Variants in PTPRD observed in about 807,000 individuals in gnomAD.
PTPRD encodes the protein protein tyrosine phosphatase receptor type D, also known as receptor-type tyrosine-protein phosphatase delta.
A neutral mutation model predicts 214.5 loss-of-function variants in PTPRD; 34 were observed. That is an observed-to-expected ratio of 0.16 (90% CI 0.12 to 0.21). PTPRD has a LOEUF of 0.21. PTPRD is among the 10% of genes least tolerant of loss of function. PTPRD has a pLI of 1.00. For synonymous variants in PTPRD, 1,128 were observed against 845.7 expected (o/e 1.33, Z -5.79); for missense variants, 2,545 against 2,398.7 (o/e 1.06, Z -1.27).
chr9:9,845,969 A>G (rs1178778263), intron 5 of PTPRD, among the ~76,000 whole-genome samples: 3 of 152,104 alleles, frequency 2.0e-5, no homozygotes, highest in Non-Finnish European at 4.4e-5. Flanking sequence ...GATGCTCTTC[A>G]TTACCAACAA....
chr9:9,843,666 A>C (rs1188971514), intron 5 of PTPRD, among the ~76,000 whole-genome samples: 1 of 152,020 alleles, frequency 6.6e-6, no homozygotes, highest in Non-Finnish European at 1.5e-5. Context: ...ATATTTCTCG[A>C]TCTTTGAAAA....
Position 10,326,461 on chromosome 9 carries a change from T to C in PTPRD, c.-545+14502A>G, listed in dbSNP as rs1050361250. 4.6e-5 allele frequency among the ~76,000 whole-genome samples: 7 copies of C among 151,880 alleles called. No homozygotes were observed. The Middle Eastern group carries it at 0.02, about 443-fold the overall frequency. ...AATAATAGAAATTAGTTAGATATTA[T>C]GAAATATGCTAATGAGCCAAAGCCA... On this transcript the variant is annotated intron_variant, in intron 3 of 45. Transcript: ENST00000381196.
At chr9:10,198,318 G>C (rs1593904783) in intron 3 of PTPRD, among the ~76,000 whole-genome samples, 1 of 152,112 alleles carries the variant, frequency 6.6e-6, no homozygotes, top group East Asian at 1.9e-4. Context: ...ACACTGACAG[G>C]TCAGAGTATA....
intron 10 of PTPRD, chr9:9,090,962 G>T (rs1411311326): frequency 1.3e-6 from 2 of 1,578,548 alleles, no homozygotes; most frequent in East Asian, 4.5e-5. Flanking sequence ...CAGCCTATTC[G>T]CTGCACTAAC....
chr9:9,950,197 C>G (rs183015591), intron 4 of PTPRD, among the ~76,000 whole-genome samples: 2 of 152,246 alleles, frequency 1.3e-5, no homozygotes, highest in African/African-American at 4.8e-5. Flanking sequence ...AATGATTTGT[C>G]TTAAACCTGT....
intron 3 of PTPRD, among the ~76,000 whole-genome samples, chr9:10,185,569 A>T (rs148032343): frequency 6.6e-6 from 1 of 152,286 alleles, no homozygotes; most frequent in East Asian, 1.9e-4. Context: ...CACCCCAGGG[A>T]GAATTGGTAA....
intron 2 of PTPRD, among the ~76,000 whole-genome samples, chr9:10,519,153 G>A (rs1466380918): frequency 2.1e-5 from 3 of 144,314 alleles, no homozygotes; most frequent in Non-Finnish European, 4.5e-5. Flanking sequence ...AGGACAAAAT[G>A]GCAATGTAAA....
chr9:9,898,056 T>A (rs2075468460), intron 5 of PTPRD, among the ~76,000 whole-genome samples: 1 of 152,116 alleles, frequency 6.6e-6, no homozygotes, highest in African/African-American at 2.4e-5. Context: ...ATCTAAATTA[T>A]GTAATAGTAA....
intron 7 of PTPRD, among the ~76,000 whole-genome samples, chr9:9,716,425 C>T (rs965423027): frequency 3.9e-5 from 6 of 151,914 alleles, no homozygotes; most frequent in African/African-American, 1.2e-4. Context: ...TGAGGAATCG[C>T]CACACTGACT....
At chr9:9,928,757 T>TACACACACACACACACAC (rs60820386) in intron 5 of PTPRD, among the ~76,000 whole-genome samples, 4,703 of 147,074 alleles carry the variant, frequency 0.032, 167 homozygotes, top group East Asian at 0.095. Context: ...TCTCTCTCTA[T>TACACACACACACACACAC]ACACACACAC....
intron 3 of PTPRD, among the ~76,000 whole-genome samples, chr9:10,082,580 G>T (rs956287572): frequency 2.0e-5 from 3 of 151,972 alleles, no homozygotes; most frequent in Admixed American, 1.3e-4. Context: ...GTGAAGTTAT[G>T]TAGAAACTTC....
intron 9 of PTPRD, among the ~76,000 whole-genome samples, chr9:9,275,491 A>G (rs1446987580): frequency 6.6e-6 from 1 of 150,916 alleles, no homozygotes; most frequent in East Asian, 2.0e-4. Context: ...GATCTTACAT[A>G]TCTCAGTCTT....
At chr9:8,704,241 C>G (rs977372589) in intron 12 of PTPRD, among the ~76,000 whole-genome samples, 1 of 151,998 alleles carries the variant, frequency 6.6e-6, no homozygotes, top group East Asian at 1.9e-4. Flanking sequence ...CTGCCTTCCC[C>G]CCTCCCACTC....
At chr9:8,886,973 A>G (rs1250541839) in intron 11 of PTPRD, among the ~76,000 whole-genome samples, 3 of 152,220 alleles carry the variant, frequency 2.0e-5, no homozygotes, top group South Asian at 2.1e-4. Context: ...TTAACTGATT[A>G]CTTCCTAGGC....
intron 3 of PTPRD, among the ~76,000 whole-genome samples, chr9:10,115,794 T>A (rs1209743472): frequency 6.6e-6 from 1 of 152,124 alleles, no homozygotes; most frequent in African/African-American, 2.4e-5. Context: ...AATAAGTTAC[T>A]TTTATCCAGA....
chr9:10,166,659 C>T (rs924138400), intron 3 of PTPRD, among the ~76,000 whole-genome samples: 1 of 151,918 alleles, frequency 6.6e-6, no homozygotes, highest in South Asian at 2.1e-4. Flanking sequence ...AAATTTGAAC[C>T]ACCTGGGAGT....
chr9:9,951,154 T>C (rs962900462), intron 4 of PTPRD, among the ~76,000 whole-genome samples: 3 of 152,170 alleles, frequency 2.0e-5, no homozygotes, highest in Non-Finnish European at 4.4e-5. Context: ...AGCCCTTTAA[T>C]GTTTCAGGGA....
At chr9:8,995,328 T>TA (rs2099392435) in intron 11 of PTPRD, among the ~76,000 whole-genome samples, 1 of 152,102 alleles carries the variant, frequency 6.6e-6, no homozygotes, top group Admixed American at 6.6e-5. Context: ...AGTAAAGTGA[T>TA]ATGATGTCTG....
intron 3 of PTPRD, among the ~76,000 whole-genome samples, chr9:10,180,966 A>C (rs1348415478): frequency 2.6e-5 from 4 of 152,096 alleles, no homozygotes; most frequent in Non-Finnish European, 5.9e-5. Flanking sequence ...ATATTCAATG[A>C]ATAAACTTTA....
Sources: allele counts gnomAD v4.1 joint callset (sites outside exome capture counted in the v4.1 genomes callset), GRCh38; gene constraint gnomAD v4.1.1; transcripts MANE v1.5; gene names NCBI Gene and HGNC (gene_info 2026-07-23, HGNC 2026-07-21).